DPYD: variants seen among roughly 807,000 people sequenced by gnomAD.
The protein encoded by DPYD is dihydropyrimidine dehydrogenase.
A neutral mutation model predicts 116.2 loss-of-function variants in DPYD; 109 were observed. The ratio of observed to expected loss-of-function variants is 0.94; its 90% CI spans 0.80 to 1.10. The LOEUF is 1.10. Ranked by LOEUF, DPYD falls within the 50% of genes least tolerant of loss-of-function variation. DPYD has a pLI of 0.00. For missense variants in DPYD, 1,302 were observed against 1,254.5 expected (o/e 1.04, Z -0.57); for synonymous variants, 440 against 432.0 (o/e 1.02, Z -0.23).
At chr1:97,284,591 A>AT (rs1191321547) in intron 18 of DPYD, among the ~76,000 whole-genome samples, 4 of 151,998 alleles carry the variant, frequency 2.6e-5, no homozygotes, top group Non-Finnish European at 4.4e-5. Flanking sequence ...TTGCTAGTCA[A>AT]TTTTTTAAAG....
intron 12 of DPYD, among the ~76,000 whole-genome samples, chr1:97,526,500 A>G (rs1649109176): frequency 6.6e-6 from 1 of 152,180 alleles, no homozygotes; most frequent in Non-Finnish European, 1.5e-5. Context: ...GGACTCAAAT[A>G]ATAGTATTTT....
intron 18 of DPYD, among the ~76,000 whole-genome samples, chr1:97,283,191 T>C (rs915401359): frequency 1.3e-5 from 2 of 152,158 alleles, no homozygotes; most frequent in African/African-American, 2.4e-5. Flanking sequence ...TTTTTCTAAA[T>C]AAATAGCTAA....
chr1:97,339,557 G>A (rs1669490162), intron 16 of DPYD, among the ~76,000 whole-genome samples: 1 of 152,072 alleles, frequency 6.6e-6, no homozygotes, highest in African/African-American at 2.4e-5. Flanking sequence ...AAGGCACAAT[G>A]GTTTTCAACA....
intron 16 of DPYD, among the ~76,000 whole-genome samples, chr1:97,342,101 G>T (rs577998503): frequency 6.6e-6 from 1 of 152,252 alleles, no homozygotes; most frequent in East Asian, 1.9e-4. Context: ...TTATTTCAGA[G>T]AAGTATAATT....
chr1:97,614,907 T>C (rs1571063961), intron 8 of DPYD, among the ~76,000 whole-genome samples: 1 of 152,104 alleles, frequency 6.6e-6, no homozygotes, highest in Non-Finnish European at 1.5e-5. Context: ...CAATGCTCTT[T>C]CCACAATCAA....
At chr1:97,691,232 C>G (rs1377226820) in intron 7 of DPYD, 2 of 153,090 alleles carry the variant, frequency 1.3e-5, no homozygotes, top group African/African-American at 4.8e-5. Flanking sequence ...ATAAAAAATA[C>G]GAAGCTGTTG....
chr1:97,216,416 A>G (rs796522609), intron 19 of DPYD, among the ~76,000 whole-genome samples: 31 of 152,332 alleles, frequency 2.0e-4, no homozygotes, highest in African/African-American at 6.7e-4. Context: ...TACTTGGAGA[A>G]CATTGATGAC....
At chr1:97,686,614 G>T (rs1660745532) in intron 7 of DPYD, among the ~76,000 whole-genome samples, 1 of 129,034 alleles carries the variant, frequency 7.7e-6, no homozygotes, top group Admixed American at 8.6e-5. Flanking sequence ...TCCAGCCTGG[G>T]CGACAGAGCG....
intron 3 of DPYD, among the ~76,000 whole-genome samples, chr1:97,789,750 T>C (rs892360054): frequency 1.3e-5 from 2 of 152,184 alleles, no homozygotes; most frequent in Admixed American, 6.5e-5. Context: ...AAAATAAATA[T>C]GTCTTCTTAG....
At chr1:97,713,093 T>C (rs1485624408) in intron 5 of DPYD, among the ~76,000 whole-genome samples, 1 of 152,118 alleles carries the variant, frequency 6.6e-6, no homozygotes, top group Non-Finnish European at 1.5e-5. Flanking sequence ...CTTATCATCA[T>C]TATTTGAAGA....
In DPYD at chr1:97,317,478, A is replaced by C. The variant is rs541498419; in HGVS notation, c.2059-11181T>G. ...AGGGCAAGTGTGTATGTAAATGTATAATAAGGAGTTTTTATTCTTTGCAGA... is the reference window on the plus strand; with the variant it reads ...AGGGCAAGTGTGTATGTAAATGTATCATAAGGAGTTTTTATTCTTTGCAGA... On this transcript the variant is annotated intron_variant, in intron 16 of 22. Transcript: ENST00000370192. Among the ~76,000 whole-genome samples the C allele has an allele frequency of 4.6e-5, 7 of 152,122 alleles. No individual in the cohort carries two copies. The South Asian group carries it at 1.5e-3, about 32-fold the overall frequency.
At chr1:97,857,934 A>G (rs766604542) in intron 2 of DPYD, among the ~76,000 whole-genome samples, 13 of 151,912 alleles carry the variant, frequency 8.6e-5, no homozygotes, top group Non-Finnish European at 1.3e-4. Flanking sequence ...ACTGGTGTCT[A>G]CTGCTTGGTG....
intron 15 of DPYD, among the ~76,000 whole-genome samples, chr1:97,379,733 A>G (rs1236532341): frequency 1.3e-5 from 2 of 152,212 alleles, no homozygotes; most frequent in Admixed American, 6.5e-5. Flanking sequence ...GGGGCAGGAC[A>G]TGCAACTCAA....
At chr1:97,371,385 A>T (rs1158879421) in intron 16 of DPYD, among the ~76,000 whole-genome samples, 1 of 152,202 alleles carries the variant, frequency 6.6e-6, no homozygotes, top group Non-Finnish European at 1.5e-5. Flanking sequence ...GCAAGATCAC[A>T]TAGCAATGGG....
intron 3 of DPYD, among the ~76,000 whole-genome samples, chr1:97,805,162 A>G (rs1313233622): frequency 1.3e-5 from 2 of 151,920 alleles, no homozygotes; most frequent in Non-Finnish European, 2.9e-5. Context: ...GAATTTGGGG[A>G]TTGAAATGTT....
chr1:97,664,571 G>T (rs565637459), intron 8 of DPYD, among the ~76,000 whole-genome samples: 26 of 151,578 alleles, frequency 1.7e-4, no homozygotes, highest in Admixed American at 1.4e-3. Context: ...TATACCTTGG[G>T]TATAAAAACT....
chr1:97,252,487 C>T (rs367789227), intron 18 of DPYD, among the ~76,000 whole-genome samples: 2 of 152,116 alleles, frequency 1.3e-5, no homozygotes, highest in African/African-American at 4.8e-5. Flanking sequence ...AGTGTCTCAT[C>T]GTCCAAATGC....
At chr1:97,765,482 A>C (rs929698179) in intron 3 of DPYD, among the ~76,000 whole-genome samples, 5 of 152,158 alleles carry the variant, frequency 3.3e-5, no homozygotes, top group African/African-American at 1.2e-4. Context: ...GTCAACACAG[A>C]GAATCTACCC....
At chr1:97,444,146 G>A (rs1469139377) in intron 14 of DPYD, among the ~76,000 whole-genome samples, 1 of 152,192 alleles carries the variant, frequency 6.6e-6, no homozygotes, top group African/African-American at 2.4e-5. Flanking sequence ...ATGCTTGGCT[G>A]ATAACATATC....
Sources: allele counts gnomAD v4.1 joint callset (sites outside exome capture counted in the v4.1 genomes callset), GRCh38; gene constraint gnomAD v4.1.1; transcripts MANE v1.5; gene names NCBI Gene and HGNC (gene_info 2026-07-23, HGNC 2026-07-21).